STPG2: variants seen among roughly 807,000 people sequenced by gnomAD.
STPG2 encodes sperm-tail PG-rich repeat-containing protein 2.
In STPG2, 56 loss-of-function variants were observed where a neutral mutation model predicts 54.2. The observed-to-expected ratio is 1.03, with a 90% CI of 0.83 to 1.29. The LOEUF (loss-of-function observed/expected upper bound fraction) is 1.29. Among genes scored for constraint, STPG2 ranks in the 50% most tolerant of loss-of-function variants. The pLI is 0.00. For missense variants in STPG2, 596 were observed against 544.9 expected (o/e 1.09, Z -0.93); for synonymous variants, 200 against 181.8 (o/e 1.10, Z -0.81).
Position 97,745,263 on chromosome 4 carries a change from C to A in STPG2, c.1205-32449G>T, listed in dbSNP as rs201905118. ...TAAAACTAAAAAAAAAACAAAAAAA[C>A]AAAAAAAAAAACAATTGCAGAAAAG... is the stretch of plus-strand genomic sequence containing the variant. On this transcript the variant is annotated intron_variant, in intron 9 of 10. Transcript: ENST00000295268. Among the ~76,000 whole-genome samples the A allele has an allele frequency of 3.9e-3, 398 of 101,052 alleles. 9 individuals are homozygous for A. In the East Asian group the frequency reaches 0.069, roughly 18 times the overall value. 66.3% of individuals were successfully genotyped at this position (101,052 alleles called of 152,430 possible).
intron 4 of STPG2, among the ~76,000 whole-genome samples, chr4:97,534,508 C>G (rs1398346275): frequency 6.6e-5 from 10 of 152,120 alleles, no homozygotes; most frequent in Non-Finnish European, 1.0e-4. Context: ...TATTCAGTAT[C>G]TCCAGCAACA....
chr4:97,700,808 G>A (rs1560726210), intron 10 of STPG2, among the ~76,000 whole-genome samples: 1 of 152,216 alleles, frequency 6.6e-6, no homozygotes. Context: ...CTTCTGATGG[G>A]CCTTATGGAC....
At chr4:97,710,764 G>C (rs560186488) in intron 10 of STPG2, among the ~76,000 whole-genome samples, 2 of 151,716 alleles carry the variant, frequency 1.3e-5, no homozygotes, top group African/African-American at 4.8e-5. Flanking sequence ...CTTTAAAGAA[G>C]GAAAATTATG....
intron 9 of STPG2, among the ~76,000 whole-genome samples, chr4:97,778,601 G>A (rs1174231684): frequency 6.6e-6 from 1 of 152,186 alleles, no homozygotes; most frequent in Non-Finnish European, 1.5e-5. Context: ...TCCCAGCATG[G>A]AGTTTGAGAT....
chr4:97,608,098 T>C (rs138579163), intron 10 of STPG2, among the ~76,000 whole-genome samples: 82 of 152,036 alleles, frequency 5.4e-4, no homozygotes, highest in African/African-American at 1.9e-3. Context: ...AACTACACAA[T>C]ATCCTCTTCA....
At chr4:98,109,393 C>T in intron 3 of STPG2, 88 bp from the exon 4 acceptor site, 5 of 979,930 alleles carry the variant, frequency 5.1e-6, no homozygotes, top group African/African-American at 3.3e-5. Context: ...AAGTCTAAAT[C>T]TAAAGCAAGG....
chr4:97,850,575 A>C (rs1729126901), intron 8 of STPG2, among the ~76,000 whole-genome samples: 1 of 151,884 alleles, frequency 6.6e-6, no homozygotes, highest in African/African-American at 2.4e-5. Context: ...GCACGTCATT[A>C]TTTATATTTC....
chr4:97,457,494 T>A (rs1010276234), intron 4 of STPG2, among the ~76,000 whole-genome samples: 12 of 152,168 alleles, frequency 7.9e-5, no homozygotes, highest in Non-Finnish European at 1.8e-4. Context: ...GCCAAGCAAA[T>A]ATTTTCATTG....
At chr4:97,442,272 T>C (rs192943970) in intron 4 of STPG2, among the ~76,000 whole-genome samples, 9 of 152,018 alleles carry the variant, frequency 5.9e-5, no homozygotes, top group African/African-American at 2.2e-4. Flanking sequence ...TTTTCAATCA[T>C]CCAATACTCT....
intron 4 of STPG2, among the ~76,000 whole-genome samples, chr4:97,498,599 A>G (rs780760965): frequency 2.0e-5 from 3 of 151,856 alleles, no homozygotes; most frequent in Admixed American, 6.6e-5. Context: ...CTACAGCTGG[A>G]AAGGTAAAAA....
At position 98,017,991 on chromosome 4, in the gene STPG2, TA is replaced by T. The variant is rs796218708; in HGVS notation, c.613-36674del. Among the ~76,000 whole-genome samples the T allele has an allele frequency of 1.8e-4, 27 of 152,296 alleles. 1 individual carries two copies. The highest frequency in any genetic ancestry group is 6.0e-4 in the African/African-American group (25 of 41,578). On this transcript the variant is annotated intron_variant, in intron 5 of 10. Coordinates refer to ENST00000295268, the MANE Select transcript of STPG2 (RefSeq NM_174952.3). The stretch of plus-strand genomic sequence containing the variant: ...TAGCCATGTGGGACTGTGAGTCAGT[TA>T]AACTTCTTTTCTTTTTCTTTTTTAT...
At chr4:98,082,360 A>G (rs1349897786) in intron 5 of STPG2, among the ~76,000 whole-genome samples, 1 of 142,210 alleles carries the variant, frequency 7.0e-6, no homozygotes, top group Admixed American at 7.1e-5. Flanking sequence ...GAGCTGCAGC[A>G]TTTCTTATCT....
At chr4:97,704,700 TCACATTTTCAA>T (rs1379444630) in intron 10 of STPG2, among the ~76,000 whole-genome samples, 2 of 152,148 alleles carry the variant, frequency 1.3e-5, no homozygotes, top group Non-Finnish European at 2.9e-5. Context: ...AAAGTTTAAA[TCACATTTTCAA>T]ATAACATAAA....
At chr4:97,976,963 A>G (rs749554055) in intron 6 of STPG2, among the ~76,000 whole-genome samples, 4 of 152,194 alleles carry the variant, frequency 2.6e-5, no homozygotes, top group Non-Finnish European at 5.9e-5. Flanking sequence ...GCAACTCAAA[A>G]TCAAAGCTGT....
intron 4 of STPG2, among the ~76,000 whole-genome samples, chr4:97,538,902 A>G (rs1002094784): frequency 6.6e-6 from 1 of 152,180 alleles, no homozygotes; most frequent in Non-Finnish European, 1.5e-5. Context: ...ATTCTTAAAG[A>G]AAAGAATTTT....
chr4:97,625,847 A>G (rs964522527), intron 10 of STPG2, among the ~76,000 whole-genome samples: 3 of 152,212 alleles, frequency 2.0e-5, no homozygotes, highest in Non-Finnish European at 4.4e-5. Context: ...AGCCTGAAAC[A>G]TTAGCTTTTA....
At chr4:97,516,880 G>A (rs1731087016) in intron 4 of STPG2, among the ~76,000 whole-genome samples, 1 of 151,732 alleles carries the variant, frequency 6.6e-6, no homozygotes, top group Non-Finnish European at 1.5e-5. Flanking sequence ...TGGCCCTGGA[G>A]AGAGCATATA....
Position 97,989,315 on chromosome 4 carries a change from T to C in STPG2, c.613-7997A>G, listed in dbSNP as rs766290339. On this transcript the variant is annotated intron_variant, in intron 5 of 10. Transcript: ENST00000295268. ...AGCGTTAGCCTATTTTCTGAAGCTA[T>C]ACAGATATGCCGTATTCTTCTTCTC... is the stretch of plus-strand genomic sequence containing the variant. 3.3e-5 allele frequency among the ~76,000 whole-genome samples: 5 copies of C among 152,180 alleles called. No homozygotes were observed. In the South Asian group the frequency reaches 6.2e-4, roughly 19 times the overall value.
At chr4:97,965,339 A>G (rs1734055886) in intron 7 of STPG2, among the ~76,000 whole-genome samples, 1 of 152,298 alleles carries the variant, frequency 6.6e-6, no homozygotes, top group East Asian at 1.9e-4. Context: ...GCAGCTGCGA[A>G]GCTCAAACTG....
Sources: gnomAD v4.1 joint callset for allele counts (sites outside exome capture counted in the v4.1 genomes callset) on GRCh38, gnomAD v4.1.1 for gene constraint, MANE v1.5 for transcripts, NCBI Gene and HGNC (gene_info 2026-07-23, HGNC 2026-07-21) for gene names.